LINGO2: variants seen among roughly 807,000 people sequenced by gnomAD.
The protein encoded by LINGO2 is leucine rich repeat and Ig domain containing 2.
Under a neutral mutation model 30.6 loss-of-function variants are expected in LINGO2, and 14 were observed. That is an observed-to-expected ratio of 0.46 (90% CI 0.30 to 0.72). The LOEUF is 0.72. Ranked by LOEUF, LINGO2 falls within the 30% of genes least tolerant of loss-of-function variation. LINGO2 has a pLI of 0.07. For synonymous variants in LINGO2, 317 were observed against 288.5 expected, an observed-to-expected ratio of 1.10 and a Z score of -1.00; for missense variants, 729 against 751.7, an observed-to-expected ratio of 0.97 and a Z score of 0.35.
the LINGO2 span, among the ~76,000 whole-genome samples, chr9:28,948,311 A>G: frequency 6.6e-6 from 1 of 152,126 alleles, no homozygotes; most frequent in East Asian, 1.9e-4. Context: ...AAGTTGAATG[A>G]ATAAAAACCA....
chr9:28,901,018 T>C, the LINGO2 span, among the ~76,000 whole-genome samples: 2 of 152,166 alleles, frequency 1.3e-5, no homozygotes, highest in East Asian at 1.9e-4. Flanking sequence ...AGATATATTA[T>C]AGTAAAACTA....
the LINGO2 span, among the ~76,000 whole-genome samples, chr9:29,142,184 A>G: frequency 6.6e-6 from 1 of 151,880 alleles, no homozygotes; most frequent in Non-Finnish European, 1.5e-5. Context: ...AAGTTCAGAA[A>G]GATTGAAATC....
the LINGO2 span, among the ~76,000 whole-genome samples, chr9:28,770,680 C>A: frequency 6.6e-6 from 1 of 152,072 alleles, no homozygotes; most frequent in Non-Finnish European, 1.5e-5. Context: ...CTATAAATCA[C>A]CATCAAGATA....
chr9:28,324,088 G>A (rs1825140787), intron 3 of LINGO2, among the ~76,000 whole-genome samples: 1 of 152,106 alleles, frequency 6.6e-6, no homozygotes, highest in Non-Finnish European at 1.5e-5. Flanking sequence ...AAAGCAAAAT[G>A]TTGTATCCGT....
At chr9:27,987,167 T>C (rs1207710331) in intron 5 of LINGO2, among the ~76,000 whole-genome samples, 1 of 151,878 alleles carries the variant, frequency 6.6e-6, no homozygotes, top group Admixed American at 6.6e-5. Flanking sequence ...TCTTCTAAAA[T>C]GAATAAAATT....
intron 4 of LINGO2, among the ~76,000 whole-genome samples, chr9:28,013,004 T>C (rs147861075): frequency 9.9e-5 from 15 of 152,120 alleles, no homozygotes; most frequent in Non-Finnish European, 1.6e-4. Context: ...TTTGTTTTTC[T>C]AACAACTTCT....
intron 3 of LINGO2, among the ~76,000 whole-genome samples, chr9:28,314,710 C>T (rs370716899): frequency 1.4e-4 from 21 of 152,066 alleles, no homozygotes; most frequent in East Asian, 3.9e-4. Flanking sequence ...TGAGGCCGGG[C>T]GCGGTGGCTC....
the LINGO2 span, among the ~76,000 whole-genome samples, chr9:28,712,707 T>A: frequency 6.6e-6 from 1 of 151,834 alleles, no homozygotes; most frequent in East Asian, 1.9e-4. Flanking sequence ...TTATTCATGA[T>A]TAACTACAAT....
chr9:28,675,880 GA>G, the LINGO2 span, among the ~76,000 whole-genome samples: 10 of 100,500 alleles, frequency 1.0e-4, no homozygotes, highest in East Asian at 3.1e-4. Context: ...CAAAAAAAAA[GA>G]AAAAAAAATG....
intron 1 of LINGO2, among the ~76,000 whole-genome samples, chr9:28,557,094 C>G (rs572076818): frequency 6.6e-6 from 1 of 152,038 alleles, no homozygotes; most frequent in African/African-American, 2.4e-5. Flanking sequence ...TGGGCAAGGA[C>G]TTCATGTCTA....
At chr9:28,173,907 T>C (rs954815470) in intron 4 of LINGO2, among the ~76,000 whole-genome samples, 1 of 152,086 alleles carries the variant, frequency 6.6e-6, no homozygotes, top group Non-Finnish European at 1.5e-5. Context: ...ATATTAGGAG[T>C]AGCTGGTTAT....
chr9:28,270,799 C>A (rs1157497816), intron 4 of LINGO2, among the ~76,000 whole-genome samples: 1 of 152,046 alleles, frequency 6.6e-6, no homozygotes, highest in Non-Finnish European at 1.5e-5. Context: ...ATCATGCTTA[C>A]AATTTACAGG....
the LINGO2 span, among the ~76,000 whole-genome samples, chr9:28,950,067 C>T: frequency 6.6e-6 from 1 of 152,154 alleles, no homozygotes; most frequent in African/African-American, 2.4e-5. Context: ...GGCTTCATCC[C>T]TGGGATGCAA....
At chr9:28,773,274 A>T in the LINGO2 span, among the ~76,000 whole-genome samples, 1 of 151,704 alleles carries the variant, frequency 6.6e-6, no homozygotes, top group Non-Finnish European at 1.5e-5. Flanking sequence ...CTGAGGCAGG[A>T]GAATGGCGTG....
chr9:28,625,569 A>G (rs1826622537), intron 1 of LINGO2, among the ~76,000 whole-genome samples: 1 of 152,164 alleles, frequency 6.6e-6, no homozygotes, highest in Admixed American at 6.6e-5. Context: ...ATCTTGCTCC[A>G]CATCTCTATG....
intron 1 of LINGO2, among the ~76,000 whole-genome samples, chr9:28,530,220 G>A (rs904063099): frequency 1.1e-4 from 16 of 151,778 alleles, no homozygotes; most frequent in Admixed American, 2.6e-4. Flanking sequence ...TTAATAGCAC[G>A]ATGATGGTGA....
the LINGO2 span, among the ~76,000 whole-genome samples, chr9:29,047,929 C>T: frequency 6.6e-6 from 1 of 151,682 alleles, no homozygotes; most frequent in African/African-American, 2.4e-5. Flanking sequence ...CATGGTGAAA[C>T]CCTGTCTCCC....
At chr9:28,014,127 A>G (rs1195230660) in intron 4 of LINGO2, among the ~76,000 whole-genome samples, 1 of 152,174 alleles carries the variant, frequency 6.6e-6, no homozygotes, top group Non-Finnish European at 1.5e-5. Flanking sequence ...ATGGCAAGTT[A>G]ATCTGCAGGC....
chr9:28,073,347 C>A (rs983138078), intron 4 of LINGO2, among the ~76,000 whole-genome samples: 15 of 152,132 alleles, frequency 9.9e-5, no homozygotes, highest in African/African-American at 3.6e-4. Flanking sequence ...TGTAGGGATA[C>A]CATGAGTTCC....
Sources: gnomAD v4.1 joint callset for allele counts (sites outside exome capture counted in the v4.1 genomes callset) on GRCh38, gnomAD v4.1.1 for gene constraint, MANE v1.5 for transcripts, NCBI Gene and HGNC (gene_info 2026-07-23, HGNC 2026-07-21) for gene names.